GRIN2B: variants seen among roughly 807,000 people sequenced by gnomAD.
GRIN2B encodes the protein glutamate ionotropic receptor NMDA type subunit 2B.
In GRIN2B, 5 loss-of-function variants were observed where a neutral mutation model predicts 114.5. The ratio of observed to expected loss-of-function variants is 0.04; its 90% CI spans 0.02 to 0.09. GRIN2B has a LOEUF of 0.09. Among genes scored for constraint, GRIN2B ranks in the 10% least tolerant of loss-of-function variants. The pLI, the probability that GRIN2B is intolerant of heterozygous loss-of-function variation, is 1.00. For synonymous variants in GRIN2B, 787 were observed against 745.1 expected (o/e 1.06, Z -0.92); for missense variants, 1,108 against 1,943.5 (o/e 0.57, Z 8.08).
At chr12:13,831,107 T>C (rs1472556724) in intron 3 of GRIN2B, among the ~76,000 whole-genome samples, 1 of 152,060 alleles carries the variant, frequency 6.6e-6, no homozygotes, top group Non-Finnish European at 1.5e-5. Flanking sequence ...CTGCTTCCGC[T>C]CTCCCACCTC....
chr12:13,966,090 G>A (rs1007532725), intron 2 of GRIN2B, among the ~76,000 whole-genome samples: 9 of 152,068 alleles, frequency 5.9e-5, no homozygotes, highest in Non-Finnish European at 7.3e-5. Context: ...TCCTCTTGAC[G>A]GCATAATTTT....
At chr12:13,857,883 A>G (rs1444213917) in intron 3 of GRIN2B, among the ~76,000 whole-genome samples, 1 of 152,134 alleles carries the variant, frequency 6.6e-6, no homozygotes, top group Non-Finnish European at 1.5e-5. Flanking sequence ...TTCCTTCGTT[A>G]AGTATGAGCA....
At chr12:13,708,167 T>C (rs549533156) in intron 4 of GRIN2B, among the ~76,000 whole-genome samples, 1 of 152,154 alleles carries the variant, frequency 6.6e-6, no homozygotes, top group South Asian at 2.1e-4. Flanking sequence ...CCAATAGAAG[T>C]AGTTTTGGAA....
At chr12:13,886,622 G>A (rs182718732) in intron 2 of GRIN2B, among the ~76,000 whole-genome samples, 7 of 152,116 alleles carry the variant, frequency 4.6e-5, no homozygotes, top group Admixed American at 2.6e-4. Flanking sequence ...CCGAGTTCCC[G>A]CAGCCAGCAG....
chr12:13,835,771 T>TAAAAAA (rs1165005583), intron 3 of GRIN2B, among the ~76,000 whole-genome samples: 14 of 91,482 alleles, frequency 1.5e-4, no homozygotes, highest in East Asian at 3.2e-4. Context: ...CATAGCACAT[T>TAAAAAA]AAAAAAAAAA....
At chr12:13,948,385 T>G (rs578216181) in intron 2 of GRIN2B, among the ~76,000 whole-genome samples, 1 of 152,210 alleles carries the variant, frequency 6.6e-6, no homozygotes, top group South Asian at 2.1e-4. Flanking sequence ...GATGCTGAGA[T>G]GTGTTCCTTG....
At chr12:13,775,096 G>A (rs1173742109) in intron 3 of GRIN2B, among the ~76,000 whole-genome samples, 4 of 152,130 alleles carry the variant, frequency 2.6e-5, no homozygotes, top group Non-Finnish European at 4.4e-5. Context: ...CAGAAGTGAC[G>A]AGTTGGTTCT....
intron 3 of GRIN2B, among the ~76,000 whole-genome samples, chr12:13,833,227 C>A (rs1169658290): frequency 6.6e-6 from 1 of 152,166 alleles, no homozygotes; most frequent in Non-Finnish European, 1.5e-5. Context: ...TCAACCTGAA[C>A]TAGAAAGATG....
At chr12:13,979,160 CAGA>C (rs1321551487) in intron 2 of GRIN2B, among the ~76,000 whole-genome samples, 1 of 152,104 alleles carries the variant, frequency 6.6e-6, no homozygotes, top group Non-Finnish European at 1.5e-5. Flanking sequence ...GATATGTAGA[CAGA>C]AGGAGAAATT....
intron 3 of GRIN2B, among the ~76,000 whole-genome samples, chr12:13,802,067 A>G (rs1430648712): frequency 1.3e-5 from 2 of 152,068 alleles, no homozygotes; most frequent in African/African-American, 4.8e-5. Context: ...AAAGAATAAC[A>G]TATAATCCTG....
intron 4 of GRIN2B, 34 bp from the exon 5 acceptor site, chr12:13,675,893 A>T (rs1320275606): frequency 8.3e-7 from 1 of 1,201,902 alleles, no homozygotes; most frequent in East Asian, 2.3e-5. Flanking sequence ...GATTAAAAGT[A>T]TGAAGAGGGT....
intron 2 of GRIN2B, among the ~76,000 whole-genome samples, chr12:13,900,720 C>G (rs1398170268): frequency 1.3e-5 from 2 of 152,108 alleles, no homozygotes; most frequent in Non-Finnish European, 2.9e-5. Flanking sequence ...TGACACATCC[C>G]TAAACAGTAT....
At chr12:13,855,055 A>AAG in intron 3 of GRIN2B, among the ~76,000 whole-genome samples, 1 of 149,914 alleles carries the variant, frequency 6.7e-6, no homozygotes. Context: ...TACTGAAAAA[A>AAG]AAAAAAAAAA....
intron 10 of GRIN2B, among the ~76,000 whole-genome samples, chr12:13,575,254 G>C (rs1314945400): frequency 2.0e-5 from 3 of 152,072 alleles, no homozygotes; most frequent in East Asian, 3.9e-4. Flanking sequence ...TCATAAAAAA[G>C]ATAAGCCACC....
At chr12:13,684,631 C>T (rs1180297105) in intron 4 of GRIN2B, among the ~76,000 whole-genome samples, 2 of 152,150 alleles carry the variant, frequency 1.3e-5, no homozygotes, top group Non-Finnish European at 2.9e-5. Flanking sequence ...GTTACTGTCA[C>T]TGGATTATTT....
At chr12:13,710,653 C>T (rs1160181350) in intron 4 of GRIN2B, among the ~76,000 whole-genome samples, 1 of 152,012 alleles carries the variant, frequency 6.6e-6, no homozygotes, top group Non-Finnish European at 1.5e-5. Context: ...AATAAAATAC[C>T]TAGGAATCCA....
intron 10 of GRIN2B, among the ~76,000 whole-genome samples, chr12:13,576,495 G>A (rs2136421442): frequency 6.6e-6 from 1 of 151,990 alleles, no homozygotes; most frequent in East Asian, 1.9e-4. Context: ...AAAAAACTCA[G>A]TCTGATTTCA....
intron 2 of GRIN2B, among the ~76,000 whole-genome samples, chr12:13,951,957 A>T (rs1867489778): frequency 6.6e-6 from 1 of 152,248 alleles, no homozygotes; most frequent in Admixed American, 6.5e-5. Flanking sequence ...CAATAGATTA[A>T]TACATTTATC....
intron 2 of GRIN2B, among the ~76,000 whole-genome samples, chr12:13,970,686 A>AAC (rs5796570): frequency 0.23 from 33,232 of 144,898 alleles, 4,379 homozygotes; most frequent in East Asian, 0.53. Flanking sequence ...GCAGGCTCTA[A>AAC]ACACACACAC....
Sources: allele counts gnomAD v4.1 joint callset (sites outside exome capture counted in the v4.1 genomes callset), GRCh38; gene constraint gnomAD v4.1.1; transcripts MANE v1.5; gene names NCBI Gene and HGNC (gene_info 2026-07-23, HGNC 2026-07-21).